The following ADAMTS20 variants were observed in gnomAD, a reference collection of about 807,000 sequenced individuals.
ADAMTS20 encodes the protein A disintegrin and metalloproteinase with thrombospondin motifs 20.
ADAMTS20 carries 225 observed loss-of-function variants against 260.1 expected under a neutral mutation model. The observed-to-expected ratio is 0.87, with a 90% CI of 0.78 to 0.97. ADAMTS20 has a LOEUF of 0.97. Among genes scored for constraint, ADAMTS20 ranks in the 50% least tolerant of loss-of-function variants. The probability of loss-of-function intolerance (pLI) is 0.00; values close to 1 mark genes in which losing one functional copy is unlikely to be tolerated. For missense variants in ADAMTS20, 2,400 were observed against 2,337.7 expected (o/e 1.03, Z -0.55); for synonymous variants, 802 against 769.5 (o/e 1.04, Z -0.70).
rs1021407793 is a variant in ADAMTS20, at chr12:43,501,337, A to G, written c.867+815T>C. ...AGCCTCCCAAAGTGCTGGGATTACAAGTGTGAGCTACCACACCTGGCCAGT... is the reference window on the plus strand; with the variant it reads ...AGCCTCCCAAAGTGCTGGGATTACAGGTGTGAGCTACCACACCTGGCCAGT... On this transcript the variant is annotated intron_variant, in intron 4 of 38. Coordinates refer to ENST00000389420, the MANE Select transcript of ADAMTS20 (RefSeq NM_025003.5). Among the ~76,000 whole-genome samples the G allele has an allele frequency of 2.0e-5, 3 of 151,940 alleles. No homozygotes were observed. In the South Asian group the frequency reaches 6.2e-4, roughly 32 times the overall value.
At chr12:43,443,457 A>G (rs1941703296) in intron 16 of ADAMTS20, among the ~76,000 whole-genome samples, 1 of 152,146 alleles carries the variant, frequency 6.6e-6, no homozygotes, top group South Asian at 2.1e-4. Flanking sequence ...TTAACCCCAA[A>G]GAATTCTACA....
chr12:43,486,497 C>T (rs557933870), intron 7 of ADAMTS20, among the ~76,000 whole-genome samples: 1 of 152,094 alleles, frequency 6.6e-6, no homozygotes, highest in Non-Finnish European at 1.5e-5. Context: ...CTAGGAAAAA[C>T]TCTTCTGGAC....
intron 28 of ADAMTS20, among the ~76,000 whole-genome samples, chr12:43,412,474 T>TAGATC: frequency 6.6e-6 from 1 of 152,360 alleles, no homozygotes. Context: ...CTACATGTAA[T>TAGATC]AGATCTCTTT....
At chr12:43,401,817 C>A (rs925712253) in intron 28 of ADAMTS20, among the ~76,000 whole-genome samples, 2 of 150,568 alleles carry the variant, frequency 1.3e-5, no homozygotes, top group Non-Finnish European at 3.0e-5. Flanking sequence ...TCCTTGCTTT[C>A]TTGATCCACC....
At chr12:43,470,880 T>C (rs1393256489) in intron 7 of ADAMTS20, among the ~76,000 whole-genome samples, 1 of 152,216 alleles carries the variant, frequency 6.6e-6, no homozygotes, top group Non-Finnish European at 1.5e-5. Flanking sequence ...AGCTGTGTGG[T>C]CTTCTGCAAA....
intron 38 of ADAMTS20, among the ~76,000 whole-genome samples, chr12:43,354,606 A>G (rs770807227): frequency 1.3e-5 from 2 of 152,144 alleles, no homozygotes; most frequent in Non-Finnish European, 2.9e-5. Flanking sequence ...CATATTTTTC[A>G]TCTAGGTATG....
At chr12:43,494,961 G>A (rs917250498) in intron 4 of ADAMTS20, among the ~76,000 whole-genome samples, 10 of 152,134 alleles carry the variant, frequency 6.6e-5, no homozygotes, top group Non-Finnish European at 1.5e-4. Context: ...CTGTGTCTCA[G>A]AATAATATGC....
At chr12:43,355,949 A>AAGAT (rs1191041581) in intron 38 of ADAMTS20, among the ~76,000 whole-genome samples, 3 of 152,152 alleles carry the variant, frequency 2.0e-5, no homozygotes, top group African/African-American at 7.2e-5. Context: ...TATCTAGATA[A>AAGAT]AGATAGGAAA....
chr12:43,418,760 T>C (rs1941177885), intron 28 of ADAMTS20, among the ~76,000 whole-genome samples: 1 of 152,254 alleles, frequency 6.6e-6, no homozygotes, highest in Admixed American at 6.5e-5. Flanking sequence ...AGCTTCTTGT[T>C]AAAATATTGA....
intron 14 of ADAMTS20, among the ~76,000 whole-genome samples, chr12:43,450,137 C>T (rs1206835161): frequency 6.6e-6 from 1 of 152,126 alleles, no homozygotes; most frequent in Non-Finnish European, 1.5e-5. Context: ...GTAAAGTTTT[C>T]TCTAAAACTA....
chr12:43,419,739 AACACACAC>A (rs147586045), intron 28 of ADAMTS20, among the ~76,000 whole-genome samples: 2 of 148,812 alleles, frequency 1.3e-5, no homozygotes, highest in Admixed American at 6.7e-5. Context: ...CACACACACA[AACACACAC>A]ACACACACAC....
At position 43,502,125 on chromosome 12, in the gene ADAMTS20, T is replaced by C. The variant is rs763292539; in HGVS notation, c.867+27A>G. On this transcript the variant is annotated intron_variant, in intron 4 of 38. Coordinates refer to ENST00000389420, the MANE Select transcript of ADAMTS20 (RefSeq NM_025003.5). The stretch of plus-strand genomic sequence containing the variant: ...TCATTAAGCTAAACATTTTAGGAAA[T>C]ATAAAAGTCATATTAAGTTTACTTA... 26 of 1,510,166 alleles carry C rather than the reference T, an allele frequency of 1.7e-5. 1 individual carries two copies. In the South Asian group the frequency reaches 3.2e-4, roughly 19 times the overall value. 93.5% of individuals were successfully genotyped at this position (1,510,166 alleles called of 1,614,324 possible). A position where few individuals can be genotyped will look rare whatever the true frequency, so the allele number is the denominator to read the frequency against.
rs188750837 is a variant in ADAMTS20, at chr12:43,452,516, C to A, written c.1940G>T (p.Gly647Val). The change falls in exon 13 of 39, where the codon GGC becomes GTC. Residue 647 changes from glycine (G) to valine (V), a missense_variant and splice_region_variant. Gly to Val is a moderately radical substitution (Grantham distance 109, BLOSUM62 -3). Transcript: ENST00000389420. The stretch of plus-strand genomic sequence containing the variant: ...AAGAACCAGCATAATTTACTTACTG[C>A]CACTGTATCTTGGAAGCCACCTCAC... ...SNVRWLPRYS[G>V]IGTKDRCKLY... The A allele has an allele frequency of 2.5e-5, 41 of 1,610,924 alleles. No individual in the cohort carries two copies. The East Asian group carries it at 8.9e-4, about 35-fold the overall frequency.
intron 3 of ADAMTS20, among the ~76,000 whole-genome samples, chr12:43,527,589 C>T (rs1030687926): frequency 1.5e-4 from 22 of 151,622 alleles, no homozygotes; most frequent in African/African-American, 2.4e-5. Flanking sequence ...AAACAAAAAC[C>T]ATATGATCTC....
chr12:43,382,781 A>G (rs1940382291), intron 31 of ADAMTS20, among the ~76,000 whole-genome samples: 1 of 152,118 alleles, frequency 6.6e-6, no homozygotes. Context: ...AAGATATAAA[A>G]AAGCTGAAAT....
intron 28 of ADAMTS20, among the ~76,000 whole-genome samples, chr12:43,422,527 G>A (rs1386866937): frequency 6.6e-6 from 1 of 151,926 alleles, no homozygotes; most frequent in Non-Finnish European, 1.5e-5. Context: ...AAATAAATAT[G>A]CTTCATATAA....
Position 43,383,851 on chromosome 12 carries a change from T to A in ADAMTS20, c.4579A>T (p.Ser1527Cys). 1 of 1,613,966 alleles carries A rather than the reference T, an allele frequency of 6.2e-7. No homozygotes were observed. The highest frequency in any genetic ancestry group is 8.5e-7 in the Non-Finnish European group (1 of 1,179,856). ...CCCTTGTGCTGCACACAGTCCTGACTCCAACATCGCCTCTGAGAACAAGGT... is the reference window on the plus strand; with the variant it reads ...CCCTTGTGCTGCACACAGTCCTGACACCAACATCGCCTCTGAGAACAAGGT... ...TRPCSQRRCW[S>C]QDCVQHKGME... The change falls in exon 30 of 39, where the codon AGT becomes TGT. Residue 1527 changes from serine (S) to cysteine (C), a missense_variant. Physicochemically the swap from Ser to Cys is moderately radical, Grantham distance 112. Coordinates refer to ENST00000389420, the MANE Select transcript of ADAMTS20 (RefSeq NM_025003.5).
intron 14 of ADAMTS20, among the ~76,000 whole-genome samples, chr12:43,447,360 T>C (rs1941782053): frequency 6.6e-6 from 1 of 152,120 alleles, no homozygotes; most frequent in South Asian, 2.1e-4. Flanking sequence ...ACAAATGCAA[T>C]TCATCACATA....
intron 3 of ADAMTS20, among the ~76,000 whole-genome samples, chr12:43,511,430 G>A (rs1215914034): frequency 6.6e-6 from 1 of 151,990 alleles, no homozygotes; most frequent in East Asian, 1.9e-4. Context: ...TAAAGACTGA[G>A]AACACTGTTG....
Sources: gnomAD v4.1 joint callset for allele counts (sites outside exome capture counted in the v4.1 genomes callset) on GRCh38, gnomAD v4.1.1 for gene constraint, MANE v1.5 for transcripts, NCBI Gene and HGNC (gene_info 2026-07-23, HGNC 2026-07-21) for gene names.